Variants in SMARCA2 observed in about 807,000 individuals in gnomAD.
SMARCA2 encodes the protein SWI/SNF related BAF chromatin remodeling complex subunit ATPase 2.
SMARCA2 carries 61 observed loss-of-function variants against 199.8 expected under a neutral mutation model. The ratio of observed to expected loss-of-function variants is 0.31; its 90% CI spans 0.25 to 0.38. The LOEUF (loss-of-function observed/expected upper bound fraction) is 0.38, where lower values mean the gene tolerates loss of function less well. Among genes scored for constraint, SMARCA2 ranks in the 10% least tolerant of loss-of-function variants. The pLI, the probability that SMARCA2 is intolerant of heterozygous loss-of-function variation, is 1.00. For missense variants in SMARCA2, 1,344 were observed against 2,012.2 expected (o/e 0.67, Z 6.35); for synonymous variants, 935 against 732.0 (o/e 1.28, Z -4.48).
chr9:2,159,949 GA>G (rs1315759085), intron 27 of SMARCA2: 1 of 1,583,826 alleles, frequency 6.3e-7, no homozygotes, highest in Non-Finnish European at 8.6e-7. Flanking sequence ...AGATTCAGTA[GA>G]ACTACATCCC....
chr9:2,134,477 A>G (rs904667669), intron 27 of SMARCA2, among the ~76,000 whole-genome samples: 2 of 151,972 alleles, frequency 1.3e-5, no homozygotes, highest in Non-Finnish European at 2.9e-5. Context: ...CTGACTTTCT[A>G]CCTAGCCGCC....
At position 2,060,811 on chromosome 9, in the gene SMARCA2, A is replaced by T; in HGVS notation, c.1522-5A>T. 1.9e-6 allele frequency: 3 copies of T among 1,613,150 alleles called. No individual in the cohort carries two copies. Among genetic ancestry groups the T allele is most frequent in the Non-Finnish European group, 2.5e-6 (3 of 1,179,312 alleles). ...GCTCTCATCCTGCTCTTCTTTCCTT[A>T]ATAGGCTGAAGATGAGGAGGGTTAT... On this transcript the variant is annotated splice_polypyrimidine_tract_variant and splice_region_variant and intron_variant, in intron 8 of 33. Transcript: ENST00000349721.
intron 29 of SMARCA2, among the ~76,000 whole-genome samples, chr9:2,174,479 G>A (rs1002221140): frequency 6.6e-6 from 1 of 152,152 alleles, no homozygotes; most frequent in Non-Finnish European, 1.5e-5. Context: ...GCACTCCGGT[G>A]CCTGCCACGA....
chr9:2,027,841 T>G (rs981726976), intron 1 of SMARCA2: 2 of 152,248 alleles, frequency 1.3e-5, no homozygotes, highest in African/African-American at 2.4e-5. Flanking sequence ...AGTTTCTCCA[T>G]GTACAGATGT....
chr9:2,145,740 C>T lies in SMARCA2; in HGVS notation c.3982-15946C>T, dbSNP rs181479057. On this transcript the variant is annotated intron_variant, in intron 27 of 33. Transcript: ENST00000349721. ...CCTATCTAAAAGTTGAATTCGTTCTCAACTGTTTTTACAGTATCTAGTTTC... is the reference window on the plus strand; with the variant it reads ...CCTATCTAAAAGTTGAATTCGTTCTTAACTGTTTTTACAGTATCTAGTTTC... Among the ~76,000 whole-genome samples the T allele has an allele frequency of 2.3e-3, 346 of 152,314 alleles. 2 individuals are homozygous for T. The highest frequency in any genetic ancestry group is 4.5e-3 in the Non-Finnish European group (307 of 68,034).
In SMARCA2 at chr9:2,047,420, A is replaced by C. The variant is rs763586101; in HGVS notation, c.982A>C (p.Ile328Leu). 1.7e-5 allele frequency: 27 copies of C among 1,588,940 alleles called. No homozygotes were observed. The highest frequency in any genetic ancestry group is 2.4e-5 in the East Asian group (1 of 42,102). The change falls in exon 5 of 34, where the codon ATC becomes CTC. Residue 328 changes from isoleucine (I) to leucine (L), a missense_variant. Coordinates refer to ENST00000349721, the MANE Select transcript of SMARCA2 (RefSeq NM_003070.5). ...VLQLQQKQSR[I>L]SPIQKPQGLD... ...CCAGCTGCAGCAGAAGCAGAGCCGC[A>C]TCAGCCCCATCCAGAAACCGCAAGG...
intron 27 of SMARCA2, among the ~76,000 whole-genome samples, chr9:2,149,379 G>C (rs1194519037): frequency 6.6e-6 from 1 of 151,126 alleles, no homozygotes; most frequent in Non-Finnish European, 1.5e-5. Flanking sequence ...AATTAGCCAG[G>C]CATGATGGTG....
intron 8 of SMARCA2, among the ~76,000 whole-genome samples, chr9:2,059,452 G>A (rs371834517): frequency 2.0e-5 from 3 of 152,194 alleles, no homozygotes; most frequent in Middle Eastern, 3.4e-3. Flanking sequence ...AGGACTGTCC[G>A]AGAGGTTTCT....
At chr9:2,181,816 C>G (rs770570500) in intron 30 of SMARCA2, 140 bp downstream of exon 30, 12 of 625,738 alleles carry the variant, frequency 1.9e-5, no homozygotes, top group East Asian at 5.5e-5. Flanking sequence ...TGTCCTTGTG[C>G]TTTTCCGTGA....
At chr9:2,182,077 A>AGTAATGATC in intron 30 of SMARCA2, 64 bp from the exon 31 acceptor site, 11 of 1,047,584 alleles carry the variant, frequency 1.1e-5, no homozygotes, top group Non-Finnish European at 1.7e-5. Context: ...TTGTTAACTA[A>AGTAATGATC]GTAATGATCG....
chr9:2,079,270 T>G (rs1203723760), intron 14 of SMARCA2, among the ~76,000 whole-genome samples: 1 of 152,218 alleles, frequency 6.6e-6, no homozygotes, highest in African/African-American at 2.4e-5. Flanking sequence ...TAACTTCATA[T>G]TTCCCAAATT....
At chr9:2,142,134 A>G (rs1019516861) in intron 27 of SMARCA2, among the ~76,000 whole-genome samples, 1 of 152,112 alleles carries the variant, frequency 6.6e-6, no homozygotes, top group African/African-American at 2.4e-5. Context: ...CCATCAGTCA[A>G]GTTGCAGATG....
intron 23 of SMARCA2, among the ~76,000 whole-genome samples, chr9:2,106,342 T>C (rs1249441617): frequency 6.6e-6 from 1 of 152,220 alleles, no homozygotes; most frequent in Admixed American, 6.5e-5. Context: ...AAATTTTCAA[T>C]TGACTAATTG....
intron 27 of SMARCA2, among the ~76,000 whole-genome samples, chr9:2,153,831 A>AGT (rs1825203060): frequency 6.6e-6 from 1 of 152,036 alleles, no homozygotes; most frequent in African/African-American, 2.4e-5. Flanking sequence ...TGTGTGTGAG[A>AGT]GAGAGAGATC....
chr9:2,057,205 G>A (rs895157467), intron 7 of SMARCA2, among the ~76,000 whole-genome samples: 16 of 152,230 alleles, frequency 1.1e-4, no homozygotes, highest in African/African-American at 3.9e-4. Flanking sequence ...CAGGGTACTA[G>A]CATGGCTGGG....
At chr9:2,041,068 G>T in intron 4 of SMARCA2, 1 of 303,756 alleles carries the variant, frequency 3.3e-6, no homozygotes, top group Non-Finnish European at 6.0e-6. Flanking sequence ...AGCTAGTTTG[G>T]GATATTGGTA....
chr9:2,058,543 G>T lies in SMARCA2; in HGVS notation c.1521+79G>T, dbSNP rs1820453092. 5.0e-6 allele frequency: 6 copies of T among 1,211,980 alleles called. 1 individual carries two copies. The Admixed American group carries it at 1.4e-4, about 27-fold the overall frequency. The allele number at this position is 1,211,980 out of a possible 1,614,324, so 75.1% of individuals were successfully genotyped here. A position where few individuals can be genotyped will look rare whatever the true frequency, so the allele number is the denominator to read the frequency against. On this transcript the variant is annotated intron_variant, in intron 8 of 33. Coordinates refer to ENST00000349721, the MANE Select transcript of SMARCA2 (RefSeq NM_003070.5). ...AATGAGACCATTAAATATGGTGGTAGTAGAAGGAAAAAATGAAAACTGCTT... is the reference window on the plus strand; with the variant it reads ...AATGAGACCATTAAATATGGTGGTATTAGAAGGAAAAAATGAAAACTGCTT...
intron 19 of SMARCA2, 150 bp from the exon 20 acceptor site, chr9:2,096,507 C>A: frequency 1.7e-6 from 1 of 602,804 alleles, no homozygotes; most frequent in Non-Finnish European, 3.0e-6. Context: ...TCTCTTCTAA[C>A]ACCCCCATCT....
intron 27 of SMARCA2, chr9:2,160,401 C>A (rs933669063): frequency 3.7e-6 from 2 of 539,560 alleles, no homozygotes; most frequent in South Asian, 2.7e-5. Context: ...TTGGAGGATG[C>A]GTAGAAAACA....
Sources: gnomAD v4.1 joint callset for allele counts (sites outside exome capture counted in the v4.1 genomes callset) on GRCh38, gnomAD v4.1.1 for gene constraint, MANE v1.5 for transcripts, NCBI Gene and HGNC (gene_info 2026-07-23, HGNC 2026-07-21) for gene names.